The following PLCL2 variants were observed in gnomAD, a reference collection of about 807,000 sequenced individuals.
PLCL2 encodes the protein phospholipase C like 2, also known as inactive phospholipase C-like protein 2.
A neutral mutation model predicts 79.6 loss-of-function variants in PLCL2; 4 were observed. The ratio of observed to expected loss-of-function variants is 0.05; its 90% CI spans 0.02 to 0.11. The LOEUF is 0.11. Among genes scored for constraint, PLCL2 ranks in the 10% least tolerant of loss-of-function variants. The pLI is 1.00. For missense variants in PLCL2, 895 were observed against 1,291.0 expected (o/e 0.69, Z 4.70); for synonymous variants, 484 against 457.7 (o/e 1.06, Z -0.73).
At chr3:16,984,654 C>T (rs1156256693) in intron 1 of PLCL2, among the ~76,000 whole-genome samples, 1 of 152,128 alleles carries the variant, frequency 6.6e-6, no homozygotes, top group Non-Finnish European at 1.5e-5. Flanking sequence ...CAGACCTGGC[C>T]AGGTGCGCTG....
chr3:16,929,867 T>C (rs17042881), intron 1 of PLCL2, among the ~76,000 whole-genome samples: 2,425 of 152,326 alleles, frequency 0.016, 67 homozygotes, highest in African/African-American at 0.055. Context: ...TGCTAATTGG[T>C]AGCCCTGAGG....
intron 1 of PLCL2, among the ~76,000 whole-genome samples, chr3:16,919,172 A>G (rs544919354): frequency 3.3e-5 from 5 of 152,296 alleles, no homozygotes; most frequent in Admixed American, 2.6e-4. Context: ...GAAATAGTAC[A>G]GTTGAATTTC....
rs775009460 is a variant in PLCL2 at position 17,010,189 on chromosome 3, A to G, written c.843A>G (p.Val281=). The G allele has an allele frequency of 1.2e-6, 2 of 1,614,098 alleles. No individual in the cohort carries two copies. Among genetic ancestry groups the G allele is most frequent in the Non-Finnish European group, 1.7e-6 (2 of 1,179,908 alleles). Reference sequence around the variant, plus strand: ...CACAAATGTTTAGTGAAATTGATGTAGATAACCTTGGACATATAACTCTGT... The same window carrying G: ...CACAAATGTTTAGTGAAATTGATGTGGATAACCTTGGACATATAACTCTGT... ...WVSQMFSEID[V]DNLGHITLCN... Residue 281 remains valine (V), a synonymous_variant, in exon 2 of 6, where the codon GTA becomes GTG. Transcript: ENST00000615277. This position sits in a 1 kb window ranked among gnomAD's most constrained non-coding sequence, Gnocchi z 5.8.
intron 5 of PLCL2, among the ~76,000 whole-genome samples, chr3:17,070,136 CGGGAA>C (rs2065048736): frequency 1.3e-5 from 2 of 152,096 alleles, no homozygotes; most frequent in South Asian, 4.1e-4. Flanking sequence ...ATGTGTGGTC[CGGGAA>C]CCAGCAACCT....
At chr3:16,948,881 C>G (rs960304941) in intron 1 of PLCL2, among the ~76,000 whole-genome samples, 4 of 152,132 alleles carry the variant, frequency 2.6e-5, no homozygotes, top group Non-Finnish European at 5.9e-5. Flanking sequence ...GGTACATAAA[C>G]TATTTCTGCA....
intron 1 of PLCL2, among the ~76,000 whole-genome samples, chr3:16,931,257 C>G (rs1234276634): frequency 2.6e-5 from 4 of 151,898 alleles, no homozygotes; most frequent in Non-Finnish European, 5.9e-5. Flanking sequence ...GAGTAGGAAC[C>G]CAGATTGTAC....
intron 1 of PLCL2, among the ~76,000 whole-genome samples, chr3:16,897,151 C>T (rs900596080): frequency 2.0e-5 from 3 of 151,916 alleles, no homozygotes; most frequent in South Asian, 2.1e-4. Flanking sequence ...TTAAGGGAGT[C>T]GAGCTGCCCT....
At chr3:16,957,684 G>C (rs2063719096) in intron 1 of PLCL2, among the ~76,000 whole-genome samples, 1 of 152,100 alleles carries the variant, frequency 6.6e-6, no homozygotes, top group African/African-American at 2.4e-5. Context: ...GTAGGTCACT[G>C]AGGACTTGCT....
At chr3:17,007,534 C>G (rs1349871271) in intron 1 of PLCL2, among the ~76,000 whole-genome samples, 1 of 151,976 alleles carries the variant, frequency 6.6e-6, no homozygotes, top group Non-Finnish European at 1.5e-5. Context: ...AATATTCTAC[C>G]TTGTGGCTTT....
chr3:17,085,494 A>G (rs933004987), intron 5 of PLCL2, among the ~76,000 whole-genome samples: 8 of 151,396 alleles, frequency 5.3e-5, no homozygotes, highest in African/African-American at 1.9e-4. Context: ...CTTGTTGCCC[A>G]GGCTGGAGTG....
intron 1 of PLCL2, among the ~76,000 whole-genome samples, chr3:16,979,308 T>C (rs2063956543): frequency 6.6e-6 from 1 of 151,826 alleles, no homozygotes; most frequent in East Asian, 1.9e-4. Flanking sequence ...TAATTTGAAC[T>C]ACCACTTTGA....
intron 3 of PLCL2, among the ~76,000 whole-genome samples, chr3:17,033,765 G>A (rs1006052943): frequency 1.3e-5 from 2 of 152,104 alleles, no homozygotes; most frequent in Admixed American, 1.3e-4. Flanking sequence ...ACTTCCACCA[G>A]CAACCTTCAG....
chr3:17,029,584 G>T (rs1344968062), intron 3 of PLCL2, among the ~76,000 whole-genome samples: 1 of 152,136 alleles, frequency 6.6e-6, no homozygotes, highest in Non-Finnish European at 1.5e-5. Context: ...AGAGGCTGTG[G>T]TGTACAATGA....
chr3:16,975,762 G>A (rs1027087713), intron 1 of PLCL2, among the ~76,000 whole-genome samples: 5 of 152,134 alleles, frequency 3.3e-5, no homozygotes, highest in East Asian at 1.9e-4. Flanking sequence ...AAAGGAAGTC[G>A]CTGGACTGAA....
At chr3:16,904,923 C>T (rs1418281073) in intron 1 of PLCL2, among the ~76,000 whole-genome samples, 1 of 152,116 alleles carries the variant, frequency 6.6e-6, no homozygotes, top group East Asian at 1.9e-4. Flanking sequence ...TGAGGCCTTC[C>T]CAGCCCTGCA....
At chr3:17,050,279 T>C (rs2064826079) in intron 4 of PLCL2, among the ~76,000 whole-genome samples, 1 of 152,076 alleles carries the variant, frequency 6.6e-6, no homozygotes, top group South Asian at 2.1e-4. Context: ...TCTTGAGTAA[T>C]ACCCTACAAG....
chr3:16,952,517 A>T (rs1378946858), intron 1 of PLCL2, among the ~76,000 whole-genome samples: 3 of 151,968 alleles, frequency 2.0e-5, no homozygotes, highest in Non-Finnish European at 4.4e-5. Context: ...TAGTGGTTAA[A>T]TAAATGAATA....
At chr3:16,943,030 A>C (rs2063565905) in intron 1 of PLCL2, among the ~76,000 whole-genome samples, 1 of 152,252 alleles carries the variant, frequency 6.6e-6, no homozygotes, top group South Asian at 2.1e-4. Context: ...TGATGCTACA[A>C]CTACATTCTG....
intron 1 of PLCL2, among the ~76,000 whole-genome samples, chr3:16,992,057 G>A (rs2064109945): frequency 6.6e-6 from 1 of 152,226 alleles, no homozygotes; most frequent in East Asian, 1.9e-4. Context: ...TTCAGATGAT[G>A]GAGGGATATT....
Sources: allele counts gnomAD v4.1 joint callset (sites outside exome capture counted in the v4.1 genomes callset), GRCh38; gene constraint gnomAD v4.1.1; non-coding constraint Gnocchi (gnomAD v3.1); transcripts MANE v1.5; gene names NCBI Gene and HGNC (gene_info 2026-07-23, HGNC 2026-07-21).